FARS2: variants seen among roughly 807,000 people sequenced by gnomAD.
FARS2 encodes phenylalanyl-tRNA synthetase 2, mitochondrial.
In FARS2, 40 loss-of-function variants were observed where a neutral mutation model predicts 46.4. That is an observed-to-expected ratio of 0.86 (90% CI 0.67 to 1.12). FARS2 has a LOEUF of 1.12. Among genes scored for constraint, FARS2 ranks in the 50% most tolerant of loss-of-function variants. The pLI, the probability that FARS2 is intolerant of heterozygous loss-of-function variation, is 0.00. For missense variants in FARS2, 513 were observed against 567.9 expected, an observed-to-expected ratio of 0.90 and a Z score of 0.98; for synonymous variants, 234 against 214.9, an observed-to-expected ratio of 1.09 and a Z score of -0.78.
At chr6:5,325,562 T>C (rs1339971205) in intron 1 of FARS2, among the ~76,000 whole-genome samples, 1 of 152,128 alleles carries the variant, frequency 6.6e-6, no homozygotes, top group Non-Finnish European at 1.5e-5. Flanking sequence ...TAGTATATCG[T>C]AGGGCCCAGT....
intron 6 of FARS2, among the ~76,000 whole-genome samples, chr6:5,617,913 C>T (rs1404946003): frequency 6.6e-6 from 1 of 152,162 alleles, no homozygotes; most frequent in African/African-American, 2.4e-5. Context: ...GGAAATATAC[C>T]TGAGGAAAAG....
At chr6:5,492,152 A>G (rs1767161742) in intron 4 of FARS2, among the ~76,000 whole-genome samples, 1 of 152,242 alleles carries the variant, frequency 6.6e-6, no homozygotes, top group Non-Finnish European at 1.5e-5. Context: ...TTGGTCACTT[A>G]ATTAAATGAC....
chr6:5,688,185 A>T (rs1447712141), intron 6 of FARS2, among the ~76,000 whole-genome samples: 1 of 151,432 alleles, frequency 6.6e-6, no homozygotes, highest in African/African-American at 2.4e-5. Flanking sequence ...AATTGAATAC[A>T]CTTTATTTCC....
chr6:5,270,364 T>A (rs577534324), intron 1 of FARS2, among the ~76,000 whole-genome samples: 1 of 86,832 alleles, frequency 1.2e-5, no homozygotes, highest in South Asian at 4.6e-4. Context: ...CTGGGCTGGA[T>A]GATAATTACA....
intron 6 of FARS2, among the ~76,000 whole-genome samples, chr6:5,648,740 T>A (rs1229744675): frequency 6.6e-6 from 1 of 152,200 alleles, no homozygotes; most frequent in South Asian, 2.1e-4. Flanking sequence ...TTGAAGTATG[T>A]AATTCAATTC....
intron 6 of FARS2, among the ~76,000 whole-genome samples, chr6:5,736,602 C>T (rs1049926465): frequency 6.6e-6 from 1 of 152,054 alleles, no homozygotes; most frequent in African/African-American, 2.4e-5. Context: ...TATTCAAGTG[C>T]AAAAGCTCAA....
At chr6:5,508,987 T>G (rs987097356) in intron 4 of FARS2, among the ~76,000 whole-genome samples, 19 of 152,310 alleles carry the variant, frequency 1.2e-4, no homozygotes, top group African/African-American at 4.3e-4. Context: ...TGCGGGCTGG[T>G]CTCCAGTTGA....
At chr6:5,610,868 A>G (rs541846430) in intron 5 of FARS2, among the ~76,000 whole-genome samples, 36 of 152,332 alleles carry the variant, frequency 2.4e-4, no homozygotes, top group African/African-American at 8.2e-4. Flanking sequence ...CCCTAGGACA[A>G]TCCAGGGATG....
intron 4 of FARS2, among the ~76,000 whole-genome samples, chr6:5,444,489 AAAAAGAGAG>A (rs1554186031): frequency 5.2e-5 from 1 of 19,414 alleles, no homozygotes. Context: ...AAAAAAAAAA[AAAAAGAGAG>A]AGAGAGAGAG....
intron 4 of FARS2, among the ~76,000 whole-genome samples, chr6:5,438,261 T>A (rs112620208): frequency 0.019 from 2,021 of 107,000 alleles, 70 homozygotes; most frequent in African/African-American, 0.068. Flanking sequence ...CCCCCCCATT[T>A]TTGTTTTTCA....
intron 1 of FARS2, among the ~76,000 whole-genome samples, chr6:5,296,110 T>C (rs1257346378): frequency 7.2e-6 from 1 of 139,234 alleles, no homozygotes; most frequent in African/African-American, 2.7e-5. Flanking sequence ...TGTACAAACA[T>C]AAAAATTATC....
rs759754794 is a variant in FARS2, at chr6:5,717,925, T to TAGAGAGAGAGAGAGAG, written c.1218-53365_1218-53364insGAGAGAGAGAGAGAGA. 1.2e-3 allele frequency among the ~76,000 whole-genome samples: 53 copies of TAGAGAGAGAGAGAGAG among 45,556 alleles called. 3 individuals are homozygous for TAGAGAGAGAGAGAGAG. Among genetic ancestry groups the TAGAGAGAGAGAGAGAG allele is most frequent in the Middle Eastern group, 0.013 (1 of 78 alleles). 29.9% of individuals were successfully genotyped at this position (45,556 alleles called of 152,430 possible). A position where few individuals can be genotyped will look rare whatever the true frequency, so the allele number is the denominator to read the frequency against. ...GGTATCAGCTATATATATATATATA[T>TAGAGAGAGAGAGAGAG]ATATATATATACAGAGTCTCACTCT... On this transcript the variant is annotated intron_variant, in intron 6 of 6. Coordinates refer to ENST00000274680, the MANE Select transcript of FARS2 (RefSeq NM_006567.5).
At chr6:5,736,644 A>G (rs1322765984) in intron 6 of FARS2, among the ~76,000 whole-genome samples, 1 of 151,804 alleles carries the variant, frequency 6.6e-6, no homozygotes, top group Non-Finnish European at 1.5e-5. Context: ...GCTAGAAACT[A>G]TTTTTCCAGC....
chr6:5,457,806 G>A (rs746821247), intron 4 of FARS2: 1 of 152,168 alleles, frequency 6.6e-6, no homozygotes, highest in African/African-American at 2.4e-5. Flanking sequence ...GTCAACCAAG[G>A]CTATAAATCC....
At position 5,400,168 on chromosome 6, in the gene FARS2, T is replaced by C. The variant is rs185831231; in HGVS notation, c.613-4374T>C. 2.0e-5 allele frequency among the ~76,000 whole-genome samples: 3 copies of C among 152,358 alleles called. No homozygotes were observed. The East Asian group carries it at 5.8e-4, about 29-fold the overall frequency. ...GACTTTTAACTTTTTGCCATTGTGATAGAAGTATTATGTCAGTGTTATTTT... is the reference window on the plus strand; with the variant it reads ...GACTTTTAACTTTTTGCCATTGTGACAGAAGTATTATGTCAGTGTTATTTT... On this transcript the variant is annotated intron_variant, in intron 2 of 6. Transcript: ENST00000274680.
chr6:5,620,223 C>A (rs563171202), intron 6 of FARS2, among the ~76,000 whole-genome samples: 1 of 152,102 alleles, frequency 6.6e-6, no homozygotes, highest in African/African-American at 2.4e-5. Flanking sequence ...CACACATACA[C>A]GCACACACAT....
At chr6:5,259,821 A>C (rs894474678), upstream of FARS2, among the ~76,000 whole-genome samples, 2 of 152,184 alleles carry the variant, frequency 1.3e-5, no homozygotes, top group Admixed American at 1.3e-4. Context: ...AACAAAAAAC[A>C]AATCTAAAAA....
intron 2 of FARS2, among the ~76,000 whole-genome samples, chr6:5,396,027 C>T (rs1200306383): frequency 1.3e-5 from 2 of 152,116 alleles, no homozygotes; most frequent in Non-Finnish European, 2.9e-5. Context: ...AACTCTATTT[C>T]ATATATAACT....
intron 4 of FARS2, among the ~76,000 whole-genome samples, chr6:5,432,325 A>ATATATATAT (rs1294858821): frequency 1.1e-4 from 5 of 47,314 alleles, no homozygotes; most frequent in Admixed American, 3.1e-4. Context: ...AAAAAAAAAA[A>ATATATATAT]AAATATATAT....
Sources: allele counts gnomAD v4.1 joint callset (sites outside exome capture counted in the v4.1 genomes callset), GRCh38; gene constraint gnomAD v4.1.1; transcripts MANE v1.5; gene names NCBI Gene and HGNC (gene_info 2026-07-23, HGNC 2026-07-21).